SCFD2: variants seen among roughly 807,000 people sequenced by gnomAD.
SCFD2 encodes the protein sec1 family domain-containing protein 2.
SCFD2 carries 54 observed loss-of-function variants against 58.9 expected under a neutral mutation model. The ratio of observed to expected loss-of-function variants is 0.92; its 90% CI spans 0.74 to 1.15. SCFD2 has a LOEUF of 1.15. SCFD2 is among the 50% of genes most tolerant of loss of function. The probability of loss-of-function intolerance (pLI) is 0.00; values close to 1 mark genes in which losing one functional copy is unlikely to be tolerated. For synonymous variants in SCFD2, 321 were observed against 335.9 expected (o/e 0.96, Z 0.49); for missense variants, 805 against 836.6 (o/e 0.96, Z 0.47).
At chr4:53,298,690 C>A (rs189184608) in intron 3 of SCFD2, among the ~76,000 whole-genome samples, 2 of 152,126 alleles carry the variant, frequency 1.3e-5, no homozygotes, top group African/African-American at 2.4e-5. Context: ...CTGGGAGGCA[C>A]CCCCCAGTAG....
Position 53,366,054 on chromosome 4 carries a change from C to A in SCFD2, c.-113G>T. The A allele has an allele frequency of 8.0e-7, 1 of 1,246,252 alleles. No homozygotes were observed. Among genetic ancestry groups the A allele is most frequent in the East Asian group, 2.4e-5 (1 of 41,736 alleles). 77.2% of individuals were successfully genotyped at this position (1,246,252 alleles called of 1,614,324 possible). A position where few individuals can be genotyped will look rare whatever the true frequency, so the allele number is the denominator to read the frequency against. On this transcript the variant is annotated 5_prime_UTR_variant, in exon 1 of 9. Coordinates refer to ENST00000401642, the MANE Select transcript of SCFD2 (RefSeq NM_152540.4). Reference sequence around the variant, plus strand: ...TGACAGTCTCCACAGTACACGTGGTCGGCCTCTGACACGCTCCCTGATGGC... The same window carrying A: ...TGACAGTCTCCACAGTACACGTGGTAGGCCTCTGACACGCTCCCTGATGGC...
chr4:53,095,664 A>C (rs1724601555), intron 5 of SCFD2, among the ~76,000 whole-genome samples: 2 of 152,166 alleles, frequency 1.3e-5, no homozygotes, highest in African/African-American at 4.8e-5. Flanking sequence ...TTAAAACCTA[A>C]GTGCTTAAAA....
In SCFD2 at chr4:52,960,058, A is replaced by G. The variant is rs1166256078; in HGVS notation, c.1562-39188T>C. 2.0e-5 allele frequency among the ~76,000 whole-genome samples: 3 copies of G among 152,156 alleles called. No homozygotes were observed. The East Asian group carries it at 5.8e-4, about 29-fold the overall frequency. On this transcript the variant is annotated intron_variant, in intron 5 of 8. Coordinates refer to ENST00000401642, the MANE Select transcript of SCFD2 (RefSeq NM_152540.4). ...TCCACGGTCTTAATTTTTTCTCTGA[A>G]TTTATGTTCCTATTTTCCCCTAAAA...
At chr4:53,243,081 C>T (rs1179270648) in intron 4 of SCFD2, among the ~76,000 whole-genome samples, 2 of 152,172 alleles carry the variant, frequency 1.3e-5, no homozygotes, top group Admixed American at 1.3e-4. Context: ...ATGAGAACTT[C>T]CCCAACCTTG....
Position 53,299,491 on chromosome 4 carries a change from A to G in SCFD2, c.1135+14145T>C, listed in dbSNP as rs558364028. Among the ~76,000 whole-genome samples the G allele has an allele frequency of 5.9e-4, 90 of 152,314 alleles. No individual in the cohort carries two copies. The Middle Eastern group carries it at 0.014, about 23-fold the overall frequency. On this transcript the variant is annotated intron_variant, in intron 3 of 8. Coordinates refer to ENST00000401642, the MANE Select transcript of SCFD2 (RefSeq NM_152540.4). ...TCTGATTGGTGTACCTGAAAGTGAC[A>G]GGGAGAATGGAACCAAGTTGGAAAA... is the stretch of plus-strand genomic sequence containing the variant.
At chr4:52,904,801 G>T (rs886255254) in intron 7 of SCFD2, among the ~76,000 whole-genome samples, 1 of 152,214 alleles carries the variant, frequency 6.6e-6, no homozygotes, top group African/African-American at 2.4e-5. Flanking sequence ...TTTGGAATAA[G>T]AGTGACCTTG....
At chr4:52,878,420 G>A in intron 8 of SCFD2, among the ~76,000 whole-genome samples, 1 of 152,180 alleles carries the variant, frequency 6.6e-6, no homozygotes, top group East Asian at 1.9e-4. Flanking sequence ...AGAGCAAGCA[G>A]GATCATACTG....
chr4:53,043,593 T>C (rs890147305), intron 5 of SCFD2, among the ~76,000 whole-genome samples: 4 of 152,158 alleles, frequency 2.6e-5, no homozygotes, highest in South Asian at 4.1e-4. Flanking sequence ...GTGGAAGGTG[T>C]TGAAGTGTGC....
At chr4:53,260,990 A>G (rs1007897695) in intron 4 of SCFD2, among the ~76,000 whole-genome samples, 27 of 151,952 alleles carry the variant, frequency 1.8e-4, no homozygotes, top group African/African-American at 6.5e-4. Flanking sequence ...CATCTCCTCT[A>G]TGTTTTCTAG....
chr4:52,944,279 G>A (rs1453489573), intron 5 of SCFD2, among the ~76,000 whole-genome samples: 1 of 152,104 alleles, frequency 6.6e-6, no homozygotes, highest in Non-Finnish European at 1.5e-5. Flanking sequence ...TTTCCATACT[G>A]CAGAAATGTT....
chr4:53,025,704 G>C (rs1722459528), intron 5 of SCFD2, among the ~76,000 whole-genome samples: 1 of 152,154 alleles, frequency 6.6e-6, no homozygotes, highest in Admixed American at 6.5e-5. Flanking sequence ...AATTGATGCG[G>C]GAAAAACTAC....
In SCFD2 at chr4:53,365,542, C is replaced by G. The variant is rs905613421; in HGVS notation, c.400G>C (p.Glu134Gln). The change falls in exon 1 of 9, where the codon GAG (glutamate) becomes CAG (glutamine). Residue 134 changes from glutamate (E) to glutamine (Q), a missense_variant. Around this residue, in one of 3 missense-constraint regions of SCFD2, gnomAD observed 17 missense variants for 40.1 expected, o/e 0.42. Transcript: ENST00000401642. The surrounding 1 kb of genome is among the most constrained non-coding windows in gnomAD (Gnocchi z 4.3). ...AEMEGQQPVF[E>Q]QLEEKLCEWM... ...TCACACAGCTTCTCCTCCAGCTGCTCGAACACCGGCTGCTGCCCCTCCATC... is the reference window on the plus strand; with the variant it reads ...TCACACAGCTTCTCCTCCAGCTGCTGGAACACCGGCTGCTGCCCCTCCATC... 6 of 1,614,038 alleles carry G rather than the reference C, an allele frequency of 3.7e-6. No individual in the cohort carries two copies. The African/African-American group carries it at 6.7e-5, about 18-fold the overall frequency.
intron 3 of SCFD2, among the ~76,000 whole-genome samples, chr4:53,306,188 T>A (rs1463853538): frequency 6.6e-6 from 1 of 152,192 alleles, no homozygotes; most frequent in Non-Finnish European, 1.5e-5. Flanking sequence ...TGGGGTTTTA[T>A]GTTTTTTATT....
chr4:53,148,630 T>C (rs1267145011), intron 4 of SCFD2, among the ~76,000 whole-genome samples: 1 of 152,150 alleles, frequency 6.6e-6, no homozygotes, highest in African/African-American at 2.4e-5. Flanking sequence ...TTTCACTTTC[T>C]CCCCCTTTTC....
At chr4:53,167,746 C>A (rs1313841012) in intron 4 of SCFD2, among the ~76,000 whole-genome samples, 1 of 98,002 alleles carries the variant, frequency 1.0e-5, no homozygotes, top group Non-Finnish European at 2.1e-5. Flanking sequence ...TCCACCAAAA[C>A]CAAGAGGAAA....
intron 6 of SCFD2, among the ~76,000 whole-genome samples, chr4:52,915,735 AG>A (rs886858415): frequency 4.1e-4 from 62 of 152,354 alleles, no homozygotes; most frequent in African/African-American, 1.4e-3. Flanking sequence ...GCCAATTAGA[AG>A]TAGACTCAGG....
At chr4:53,349,202 T>C (rs1734144487) in intron 2 of SCFD2, among the ~76,000 whole-genome samples, 1 of 152,170 alleles carries the variant, frequency 6.6e-6, no homozygotes, top group African/African-American at 2.4e-5. Context: ...AAGAAAAGCC[T>C]TAGGAGTCAT....
chr4:52,945,723 A>G lies in SCFD2; in HGVS notation c.1562-24853T>C, dbSNP rs1390753186. ...CCTTCTCAGCGGCTTCAGTTATCAG[A>G]TATTCCTGGACATACTTTCCAAGCC... On this transcript the variant is annotated intron_variant, in intron 5 of 8. Coordinates refer to ENST00000401642, the MANE Select transcript of SCFD2 (RefSeq NM_152540.4). 4 of 152,194 alleles carry G rather than the reference A, an allele frequency of 2.6e-5. 1 individual carries two copies. The East Asian group carries it at 7.7e-4, about 29-fold the overall frequency. 9.4% of individuals were successfully genotyped at this position (152,194 alleles called of 1,614,324 possible). A position where few individuals can be genotyped will look rare whatever the true frequency, so the allele number is the denominator to read the frequency against.
intron 4 of SCFD2, among the ~76,000 whole-genome samples, chr4:53,200,239 T>A (rs1728187701): frequency 6.6e-6 from 1 of 151,872 alleles, no homozygotes; most frequent in Non-Finnish European, 1.5e-5. Context: ...TAGGAGTGAG[T>A]GATTATTCTG....
Sources: gnomAD v4.1 joint callset for allele counts (sites outside exome capture counted in the v4.1 genomes callset) on GRCh38, gnomAD v4.1.1 for gene constraint, gnomAD v4.1.1 regional missense constraint, Gnocchi (gnomAD v3.1) non-coding constraint, MANE v1.5 for transcripts, NCBI Gene and HGNC (gene_info 2026-07-23, HGNC 2026-07-21) for gene names.